The following SHPRH variants were observed in gnomAD, a reference collection of about 807,000 sequenced individuals.
SHPRH encodes E3 ubiquitin-protein ligase SHPRH.
SHPRH carries 106 observed loss-of-function variants against 202.5 expected under a neutral mutation model. That is an observed-to-expected ratio of 0.52 (90% CI 0.45 to 0.62). The LOEUF is 0.62. Ranked by LOEUF, SHPRH falls within the 20% of genes least tolerant of loss-of-function variation. The probability of loss-of-function intolerance (pLI) is 0.00; values close to 1 mark genes in which losing one functional copy is unlikely to be tolerated. For missense variants in SHPRH, 1,710 were observed against 2,020.0 expected (o/e 0.85, Z 2.94); for synonymous variants, 729 against 686.0 (o/e 1.06, Z -0.98).
chr6:145,894,279 GC>G (rs1781815226), intron 26 of SHPRH, 43 bp from the exon 27 acceptor site: 1 of 1,408,474 alleles, frequency 7.1e-7, no homozygotes, highest in African/African-American at 1.5e-5. Context: ...TTTACACGTA[GC>G]CTTTATCTAA....
At chr6:145,874,291 T>C (rs1780202099) in intron 2 of SHPRH, among the ~76,000 whole-genome samples, 1 of 151,998 alleles carries the variant, frequency 6.6e-6, no homozygotes, top group African/African-American at 2.4e-5. Flanking sequence ...TAAATTCACA[T>C]TTAAAAACCT....
At position 145,915,474 on chromosome 6, in the gene SHPRH, T is replaced by C. The variant is rs1323375943; in HGVS notation, c.4255-1925A>G. 5.9e-5 allele frequency among the ~76,000 whole-genome samples: 9 copies of C among 152,056 alleles called. No individual in the cohort carries two copies. In the East Asian group the frequency reaches 1.5e-3, roughly 26 times the overall value. The stretch of plus-strand genomic sequence containing the variant: ...AATATTTATTGTGATGTGTGTTTAC[T>C]GGAGATGAATTCTTCCAGTTTATGT... On this transcript the variant is annotated intron_variant, in intron 23 of 29. Coordinates refer to ENST00000275233, the MANE Select transcript of SHPRH (RefSeq NM_001042683.3).
intron 11 of SHPRH, among the ~76,000 whole-genome samples, chr6:145,940,186 A>C (rs1418167667): frequency 6.6e-6 from 1 of 152,144 alleles, no homozygotes; most frequent in Non-Finnish European, 1.5e-5. Flanking sequence ...CAAGTAAAGG[A>C]ATGGTAGAAA....
At chr6:145,921,540 G>GTTTT in intron 20 of SHPRH, 148 bp from the exon 21 acceptor site, 1 of 547,146 alleles carries the variant, frequency 1.8e-6, no homozygotes, top group South Asian at 2.5e-5. Flanking sequence ...AATTTGGCCA[G>GTTTT]TTTTTTTTTT....
At chr6:145,948,495 A>C in intron 4 of SHPRH, 145 bp from the exon 5 acceptor site, 1 of 537,026 alleles carries the variant, frequency 1.9e-6, no homozygotes, top group East Asian at 3.2e-5. Flanking sequence ...GAAAAGCCAC[A>C]TACTTAACAC....
chr6:145,939,485 CA>C (rs910800042), intron 11 of SHPRH, among the ~76,000 whole-genome samples: 2 of 151,868 alleles, frequency 1.3e-5, no homozygotes, highest in East Asian at 1.9e-4. Context: ...CTTGTATCTC[CA>C]AAAAAACCGA....
chr6:145,894,850 C>T (rs779861158), intron 26 of SHPRH, 35 bp downstream of exon 26: 55 of 1,590,598 alleles, frequency 3.5e-5, no homozygotes, highest in African/African-American at 9.4e-5. Context: ...AAAATCAGTT[C>T]GAATTAATAT....
At chr6:145,933,291 T>C (rs1785671366) in intron 13 of SHPRH, 113 bp from the exon 14 acceptor site, 1 of 1,480,112 alleles carries the variant, frequency 6.8e-7, no homozygotes, top group Admixed American at 2.0e-5. Flanking sequence ...GTTTTTGTGG[T>C]ATCTCTAGCA....
chr6:145,948,278 G>A lies in SHPRH; in HGVS notation c.1055C>T (p.Thr352Ile). 1 of 1,590,150 alleles carries A rather than the reference G, an allele frequency of 6.3e-7. No individual in the cohort carries two copies. The highest frequency in any genetic ancestry group is 8.6e-7 in the Non-Finnish European group (1 of 1,168,108). ...EGLKLYYNPY[T>I]GCIIREYPNS... ...AAGTAAAATTTTGCCTTACCAGCCTGTATATGGATTATAGTAGAGTTTCAG... is the reference window on the plus strand; with the variant it reads ...AAGTAAAATTTTGCCTTACCAGCCTATATATGGATTATAGTAGAGTTTCAG... The change falls in exon 5 of 30, where the codon ACA (threonine) becomes ATA (isoleucine). Residue 352 changes from threonine (T) to isoleucine (I), a missense_variant. Physicochemically the swap from Thr to Ile is moderately conservative, Grantham distance 89. Around this residue, in one of 8 missense-constraint regions of SHPRH, gnomAD observed 459 missense variants for 426.5 expected, o/e 1.08. Transcript: ENST00000275233.
chr6:145,958,838 T>C (rs982323365), intron 1 of SHPRH, among the ~76,000 whole-genome samples: 2 of 152,152 alleles, frequency 1.3e-5, no homozygotes, highest in Admixed American at 6.5e-5. Flanking sequence ...CATTTATTTA[T>C]TTATTTATTT....
At chr6:145,891,538 G>A (rs376897303) in intron 28 of SHPRH, among the ~76,000 whole-genome samples, 16 of 152,156 alleles carry the variant, frequency 1.1e-4, no homozygotes, top group Admixed American at 3.3e-4. Context: ...AGCTAGAATC[G>A]CACTCCATGA....
intron 13 of SHPRH, among the ~76,000 whole-genome samples, chr6:145,933,823 C>T (rs551932407): frequency 6.6e-6 from 1 of 152,250 alleles, no homozygotes; most frequent in East Asian, 1.9e-4. Context: ...GTCTGATTCA[C>T]AAAAACTTTC....
intron 11 of SHPRH, among the ~76,000 whole-genome samples, chr6:145,940,291 A>G (rs1232309889): frequency 6.6e-6 from 1 of 152,128 alleles, no homozygotes; most frequent in African/African-American, 2.4e-5. Flanking sequence ...GGGTTCACAC[A>G]ATAAAAATTA....
chr6:145,919,550 C>A (rs1784247785), intron 21 of SHPRH, 59 bp from the exon 22 acceptor site: 2 of 1,576,310 alleles, frequency 1.3e-6, no homozygotes, highest in Non-Finnish European at 8.6e-7. Flanking sequence ...CTGGTTAAAA[C>A]CACCAAGATG....
intron 25 of SHPRH, among the ~76,000 whole-genome samples, chr6:145,902,811 C>T (rs1264477796): frequency 6.6e-6 from 1 of 152,064 alleles, no homozygotes; most frequent in Non-Finnish European, 1.5e-5. Flanking sequence ...GGTATTGTTC[C>T]AAATGCCTCA....
At chr6:145,858,580 G>C in the SHPRH span, among the ~76,000 whole-genome samples, 1 of 151,896 alleles carries the variant, frequency 6.6e-6, no homozygotes, top group Non-Finnish European at 1.5e-5. Context: ...ACAAGGGAGA[G>C]AGGGATTACA....
In SHPRH at chr6:145,922,563, A is replaced by T; in HGVS notation, c.3719+100T>A. 2.1e-6 allele frequency: 3 copies of T among 1,412,810 alleles called. No homozygotes were observed. The Admixed American group carries it at 7.9e-5, about 37-fold the overall frequency. The allele number at this position is 1,412,810 out of a possible 1,614,324, so 87.5% of individuals were successfully genotyped here. On this transcript the variant is annotated intron_variant, in intron 19 of 29. Transcript: ENST00000275233. The stretch of plus-strand genomic sequence containing the variant: ...TCTTTCTACTTCTGTCTCAATTAAA[A>T]TGAAAAAACCTTTACTATATGAGTC...
chr6:145,933,092 G>T lies in SHPRH; in HGVS notation c.3077C>A (p.Ala1026Asp). Residue 1026 changes from alanine to aspartate, a missense_variant, in exon 14 of 30, where the codon GCT becomes GAT. Transcript: ENST00000275233. The part of the protein sequence containing the change: ...CEEAHRQLVC[A>D]LNGLAGIHII... ...ATGAATGCCTGCTAAGCCATTGAGA[G>T]CACAAACTAGCTGTCGATGTGCTTC... 1.2e-6 allele frequency: 2 copies of T among 1,613,760 alleles called. No individual in the cohort carries two copies. The highest frequency in any genetic ancestry group is 1.7e-6 in the Non-Finnish European group (2 of 1,179,828).
downstream of SHPRH, among the ~76,000 whole-genome samples, chr6:145,863,419 C>T (rs927984566): frequency 6.6e-6 from 1 of 152,196 alleles, no homozygotes; most frequent in African/African-American, 2.4e-5. Flanking sequence ...AGATATATTG[C>T]AATGTATTTC....
Sources: allele counts gnomAD v4.1 joint callset (sites outside exome capture counted in the v4.1 genomes callset), GRCh38; gene constraint gnomAD v4.1.1; regional missense constraint gnomAD v4.1.1; transcripts MANE v1.5; gene names NCBI Gene and HGNC (gene_info 2026-07-23, HGNC 2026-07-21).